CD7: variants seen among roughly 807,000 people sequenced by gnomAD.
CD7 encodes the protein CD7 molecule, also known as T-cell antigen CD7.
In CD7, 19 loss-of-function variants were observed where a neutral mutation model predicts 17.6. The observed-to-expected ratio is 1.08, with a 90% CI of 0.75 to 1.58. The LOEUF (loss-of-function observed/expected upper bound fraction) is 1.58, where lower values mean the gene tolerates loss of function less well. CD7 is among the 40% of genes most tolerant of loss of function. The pLI, the probability that CD7 is intolerant of heterozygous loss-of-function variation, is 0.00. For synonymous variants in CD7, 160 were observed against 159.8 expected, an observed-to-expected ratio of 1.00 and a Z score of -0.01; for missense variants, 291 against 327.1, an observed-to-expected ratio of 0.89 and a Z score of 0.85.
intron 3 of CD7, 121 bp downstream of exon 3, chr17:82,316,074 G>C: frequency 9.3e-7 from 1 of 1,070,352 alleles, no homozygotes; most frequent in Non-Finnish European, 1.4e-6. Context: ...GAGAGTTCCA[G>C]AGCCTGCAGA....
Position 82,315,113 on chromosome 17 carries a change from C to T in CD7, c.*208G>A, listed in dbSNP as rs572689487. ...CGTGGGCTGGGCAGGGAAGGCTTCC[C>T]GGAGGAGGCATCATTGTCCACTGAG... On this transcript the variant is annotated 3_prime_UTR_variant, in exon 4 of 4. Coordinates refer to ENST00000312648, the MANE Select transcript of CD7 (RefSeq NM_006137.7). The T allele has an allele frequency of 4.3e-5, 23 of 539,902 alleles. No homozygotes were observed. Among genetic ancestry groups the T allele is most frequent in the Middle Eastern group, 5.1e-4 (1 of 1,964 alleles). 33.4% of individuals were successfully genotyped at this position (539,902 alleles called of 1,614,324 possible).
chr17:82,316,433 G>T, intron 2 of CD7, 24 bp from the exon 3 acceptor site: 2 of 1,531,250 alleles, frequency 1.3e-6, no homozygotes, highest in Non-Finnish European at 8.8e-7. Context: ...AAGAAGGAAG[G>T]GATTCTCCCG....
chr17:82,315,669 C>A, intron 3 of CD7: 1 of 553,672 alleles, frequency 1.8e-6, no homozygotes, highest in Non-Finnish European at 3.3e-6. Context: ...CCCACCAAGC[C>A]CAAGCCAAGC....
chr17:82,317,436 C>A lies in CD7; in HGVS notation c.60G>T (p.Leu20=). The change falls in exon 1 of 4, where the codon CTG becomes CTT. Residue 20 remains leucine (L), a synonymous_variant. Coordinates refer to ENST00000312648, the MANE Select transcript of CD7 (RefSeq NM_006137.7). Reference sequence around the variant, plus strand: ...TACCTTGGGCAGCCAGGGCCCCAGGCAGGCCGCGAGCCAGCGCCAGAAGCA... The same window carrying A: ...TACCTTGGGCAGCCAGGGCCCCAGGAAGGCCGCGAGCCAGCGCCAGAAGCA... ...LPLLLALARG[L]PGALAAQEVQ... 1.3e-6 allele frequency: 2 copies of A among 1,561,822 alleles called. No individual in the cohort carries two copies. The highest frequency in any genetic ancestry group is 2.4e-5 in the East Asian group (1 of 41,918).
At position 82,316,337 on chromosome 17, in the gene CD7, G is replaced by A. The variant is rs375953706; in HGVS notation, c.470C>T (p.Thr157Ile). ...PRASALPAPP[T>I]GSALPDPQTA... The stretch of plus-strand genomic sequence containing the variant: ...CTGCGGGTCAGGGAGGGCGGAGCCT[G>A]TCGGTGGGGCAGGGAGGGCAGAGGC... Residue 157 changes from threonine to isoleucine, a missense_variant, in exon 3 of 4, where the codon ACA becomes ATA. Transcript: ENST00000312648. 1.2e-5 allele frequency: 19 copies of A among 1,588,062 alleles called. No homozygotes were observed. In the African/African-American group the frequency reaches 2.1e-4, roughly 18 times the overall value.
chr17:82,315,244 G>T lies in CD7; in HGVS notation c.*77C>A. On this transcript the variant is annotated 3_prime_UTR_variant, in exon 4 of 4. Coordinates refer to ENST00000312648, the MANE Select transcript of CD7 (RefSeq NM_006137.7). ...GTGGGAGGACAGCAGGGTGAGGGGT[G>T]TGGCAGGGTGGGGGGCATGGTGGGG... The T allele has an allele frequency of 1.1e-6, 1 of 916,340 alleles. No individual in the cohort carries two copies. Among genetic ancestry groups the T allele is most frequent in the Non-Finnish European group, 1.7e-6 (1 of 579,584 alleles). The allele number at this position is 916,340 out of a possible 1,614,324, so 56.8% of individuals were successfully genotyped here. A position where few individuals can be genotyped will look rare whatever the true frequency, so the allele number is the denominator to read the frequency against.
chr17:82,317,023 G>C (rs1164871552), intron 1 of CD7, 42 bp from the exon 2 acceptor site: 4 of 1,508,536 alleles, frequency 2.7e-6, no homozygotes, highest in Non-Finnish European at 2.7e-6. Flanking sequence ...TGGCCAGAAG[G>C]ACAGAGAATG....
At chr17:82,317,056 T>G (rs1567838999) in intron 1 of CD7, 75 bp from the exon 2 acceptor site, 2 of 1,322,106 alleles carry the variant, frequency 1.5e-6, no homozygotes, top group Non-Finnish European at 2.0e-6. Flanking sequence ...GGGACAGTGG[T>G]GGGGATGGTG....
rs1194755425 is a variant in CD7, at chr17:82,316,706, C to T, written c.358G>A (p.Val120Ile). The T allele has an allele frequency of 1.2e-6, 2 of 1,613,522 alleles. No individual in the cohort carries two copies. The highest frequency in any genetic ancestry group is 8.5e-7 in the Non-Finnish European group (1 of 1,180,012). Reference protein sequence around the residue: ...GTYTCQAITEVNVYGSGTLVL... With the variant: ...GTYTCQAITEINVYGSGTLVL... The stretch of plus-strand genomic sequence containing the variant: ...AGGGTGCCGGAGCCGTAGACATTGA[C>T]CTCCGTGATGGCCTGGCAGGTGTAG... Residue 120 changes from valine to isoleucine, a missense_variant, in exon 2 of 4, where the codon GTC (valine) becomes ATC (isoleucine). By Grantham distance (29) the Val-to-Ile change is conservative. Transcript: ENST00000312648.
Position 82,316,080 on chromosome 17 carries a change from G to A in CD7, c.612+115C>T, listed in dbSNP as rs2052010677. ...TTCCACCCTGAGAGTTCCAGAGCCT[G>A]CAGAGGAGGCGGCGGGTACCAGGGT... On this transcript the variant is annotated intron_variant, in intron 3 of 3. Coordinates refer to ENST00000312648, the MANE Select transcript of CD7 (RefSeq NM_006137.7). 8.1e-6 allele frequency: 9 copies of A among 1,113,292 alleles called. No homozygotes were observed. The South Asian group carries it at 9.3e-5, about 11-fold the overall frequency. 69.0% of individuals were successfully genotyped at this position (1,113,292 alleles called of 1,614,324 possible).
In CD7 at chr17:82,316,189, A is replaced by G; in HGVS notation, c.612+6T>C. On this transcript the variant is annotated splice_donor_region_variant and intron_variant, in intron 3 of 3. Transcript: ENST00000312648. ...GGTGCAGGTGGCAGCTGGGGCTCAC[A>G]CTGACCTGTGTCCTCGCCAGCACAC... The G allele has an allele frequency of 1.9e-6, 3 of 1,554,568 alleles. No individual in the cohort carries two copies. Among genetic ancestry groups the G allele is most frequent in the Non-Finnish European group, 2.6e-6 (3 of 1,148,914 alleles).
Position 82,317,255 on chromosome 17 carries a change from C to G in CD7, c.82+159G>C, listed in dbSNP as rs11575045. On this transcript the variant is annotated intron_variant, in intron 1 of 3. Coordinates refer to ENST00000312648, the MANE Select transcript of CD7 (RefSeq NM_006137.7). ...CCGGCCACTCCCCACCGGGGTCCAC[C>G]CTTTTTCCTTCTCTTAAATGAGTCC... 5 of 772,324 alleles carry G rather than the reference C, an allele frequency of 6.5e-6. No individual in the cohort carries two copies. In the African/African-American group the frequency reaches 8.7e-5, roughly 13 times the overall value. The allele number at this position is 772,324 out of a possible 1,614,324, so 47.8% of individuals were successfully genotyped here. A position where few individuals can be genotyped will look rare whatever the true frequency, so the allele number is the denominator to read the frequency against.
rs1248119735 is a variant in CD7, at chr17:82,317,503, A to G, written c.-8T>C. The G allele has an allele frequency of 2.6e-6, 4 of 1,561,122 alleles. No homozygotes were observed. The highest frequency in any genetic ancestry group is 3.5e-6 in the Non-Finnish European group (4 of 1,153,464). ...CCTCGGAGGCCCGGCCATGTTCCCC[A>G]CACCCAGCTCTCCCAGCCGGGCGAG... On this transcript the variant is annotated 5_prime_UTR_variant, in exon 1 of 4. Coordinates refer to ENST00000312648, the MANE Select transcript of CD7 (RefSeq NM_006137.7).
Position 82,316,804 on chromosome 17 carries a change from C to T in CD7, c.260G>A (p.Arg87His), listed in dbSNP as rs11575046. ...VPTTDRRFRG[R>H]IDFSGSQDNL... ...GTCCTGGGACCCTGAGAAGTCGATG[C>T]GGCCCCGGAACCGTCTGTCCGTAGT... The change falls in exon 2 of 4, where the codon CGC becomes CAC. Residue 87 changes from arginine to histidine, a missense_variant. Coordinates refer to ENST00000312648, the MANE Select transcript of CD7 (RefSeq NM_006137.7). 5.6e-5 allele frequency: 90 copies of T among 1,613,728 alleles called. No individual in the cohort carries two copies. The highest frequency in any genetic ancestry group is 7.2e-5 in the Non-Finnish European group (85 of 1,179,916).
At chr17:82,317,097 C>T (rs2052024608) in intron 1 of CD7, 116 bp from the exon 2 acceptor site, 6 of 971,928 alleles carry the variant, frequency 6.2e-6, no homozygotes, top group South Asian at 5.1e-5. Context: ...GCTGACATGT[C>T]GCCAAAGACA....
intron 1 of CD7, chr17:82,317,196 T>C (rs746092453): frequency 8.8e-5 from 58 of 659,710 alleles, no homozygotes; most frequent in Non-Finnish European, 1.2e-4. Flanking sequence ...TGTGGGCTTC[T>C]TCCTCCCAAA....
Position 82,316,802 on chromosome 17 carries a change from T to C in CD7, c.262A>G (p.Ile88Val), listed in dbSNP as rs144424259. ...PTTDRRFRGRIDFSGSQDNLT... is the reference protein window; with the variant it reads ...PTTDRRFRGRVDFSGSQDNLT... Reference sequence around the variant, plus strand: ...TTGTCCTGGGACCCTGAGAAGTCGATGCGGCCCCGGAACCGTCTGTCCGTA... The same window carrying C: ...TTGTCCTGGGACCCTGAGAAGTCGACGCGGCCCCGGAACCGTCTGTCCGTA... The change falls in exon 2 of 4, where the codon ATC becomes GTC. Residue 88 changes from isoleucine to valine, a missense_variant. Transcript: ENST00000312648. 6.2e-7 allele frequency: 1 copy of C among 1,613,828 alleles called. No homozygotes were observed. Among genetic ancestry groups the C allele is most frequent in the Non-Finnish European group, 8.5e-7 (1 of 1,179,970 alleles).
In CD7 at chr17:82,316,956, C is replaced by T. The variant is rs773292471; in HGVS notation, c.108G>A (p.Thr36=). 17 of 1,599,884 alleles carry T rather than the reference C, an allele frequency of 1.1e-5. No homozygotes were observed. In the Admixed American group the frequency reaches 1.8e-4, roughly 17 times the overall value. ...AQEVQQSPHC[T]TVPVGASVNI... Reference sequence around the variant, plus strand: ...TGACGGAGGCTCCCACGGGGACAGTCGTGCAGTGGGGAGACTGCTGCACCT... The same window carrying T: ...TGACGGAGGCTCCCACGGGGACAGTTGTGCAGTGGGGAGACTGCTGCACCT... Residue 36 remains threonine, a synonymous_variant, in exon 2 of 4, where the codon ACG becomes ACA. Coordinates refer to ENST00000312648, the MANE Select transcript of CD7 (RefSeq NM_006137.7).
intron 1 of CD7, 126 bp downstream of exon 1, chr17:82,317,288 C>T: frequency 1.0e-6 from 1 of 957,896 alleles, no homozygotes; most frequent in Non-Finnish European, 1.6e-6. Context: ...TCCTCAGACA[C>T]TGGAGGCCGC....
Sources: allele counts gnomAD v4.1 joint callset, GRCh38; gene constraint gnomAD v4.1.1; transcripts MANE v1.5; gene names NCBI Gene and HGNC (gene_info 2026-07-23, HGNC 2026-07-21).